PCMTD2: variants seen among roughly 807,000 people sequenced by gnomAD.
PCMTD2 encodes the protein protein-L-isoaspartate (D-aspartate) O-methyltransferase domain containing 2.
PCMTD2 carries 16 observed loss-of-function variants against 33.4 expected under a neutral mutation model. The ratio of observed to expected loss-of-function variants is 0.48; its 90% CI spans 0.32 to 0.73. The LOEUF is 0.73. PCMTD2 is among the 30% of genes least tolerant of loss of function. The pLI is 0.03. For missense variants in PCMTD2, 374 were observed against 449.9 expected, an observed-to-expected ratio of 0.83 and a Z score of 1.53; for synonymous variants, 161 against 160.8, an observed-to-expected ratio of 1.00 and a Z score of -0.01.
chr20:64,256,682 G>A (rs781018698), intron 1 of PCMTD2: 4 of 152,224 alleles, frequency 2.6e-5, no homozygotes, highest in African/African-American at 9.6e-5. Flanking sequence ...ACACTCAGGT[G>A]ATGAGAGGAG....
In PCMTD2 at chr20:64,265,432, C is replaced by T. The variant is rs201257206; in HGVS notation, c.582+3C>T. On this transcript the variant is annotated splice_donor_region_variant and intron_variant, in intron 4 of 5. Coordinates refer to ENST00000308824, the MANE Select transcript of PCMTD2 (RefSeq NM_018257.3). ...TTGTCATGCCACTGGAAGAGAAGGT[C>T]AGATTCCCTTCATAACTGACATTTC... 1.5e-4 allele frequency: 240 copies of T among 1,605,760 alleles called. 1 individual carries two copies. The African/African-American group carries it at 3.1e-3, about 20-fold the overall frequency.
chr20:64,257,673 C>CTATCCTA (rs1339064253), intron 1 of PCMTD2, among the ~76,000 whole-genome samples: 2,708 of 152,246 alleles, frequency 0.018, 81 homozygotes, highest in African/African-American at 0.061. Flanking sequence ...CACATGGATC[C>CTATCCTA]TACCAGTGGC....
In PCMTD2 at chr20:64,273,839, G is replaced by A. The variant is rs1986012031; in HGVS notation, c.*239G>A. ...TTGCATAGAAGATTGTTTTCCCAAAGTGGAGAGAATCTTCATAGAGAAAAA... is the reference window on the plus strand; with the variant it reads ...TTGCATAGAAGATTGTTTTCCCAAAATGGAGAGAATCTTCATAGAGAAAAA... On this transcript the variant is annotated 3_prime_UTR_variant, in exon 6 of 6. Transcript: ENST00000308824. 7.7e-6 allele frequency: 3 copies of A among 387,566 alleles called. No homozygotes were observed. The highest frequency in any genetic ancestry group is 3.8e-5 in the East Asian group (1 of 25,990). The allele number at this position is 387,566 out of a possible 1,614,324, so 24.0% of individuals were successfully genotyped here.
rs1433250689 is a variant in PCMTD2 at position 64,255,866 on chromosome 20, T to G, written c.-29T>G. On this transcript the variant is annotated 5_prime_UTR_variant, in exon 1 of 6. Transcript: ENST00000308824. ...TCCGAACCCGTCGGCCGGCCGAGCC[T>G]GGAGGTAGAGCCGCCGCCGCCGCCG... 1 of 144,906 alleles carries G rather than the reference T, an allele frequency of 6.9e-6. No homozygotes were observed. Among genetic ancestry groups the G allele is most frequent in the Non-Finnish European group, 1.5e-5 (1 of 66,944 alleles). 9.0% of individuals were successfully genotyped at this position (144,906 alleles called of 1,614,324 possible).
At chr20:64,264,347 G>A (rs1037563804) in intron 2 of PCMTD2, 82 bp from the exon 3 acceptor site, 22 of 738,716 alleles carry the variant, frequency 3.0e-5, no homozygotes, top group South Asian at 6.1e-5. Context: ...TAAGTCAGAC[G>A]TGTTACAGTT....
At position 64,273,485 on chromosome 20, in the gene PCMTD2, A is replaced by G. The variant is rs1985994388; in HGVS notation, c.971A>G (p.Lys324Arg). 6.2e-7 allele frequency: 1 copy of G among 1,611,322 alleles called. No individual in the cohort carries two copies. ...LEEERREEEEKTPPETKPDPP... is the reference protein window; with the variant it reads ...LEEERREEEERTPPETKPDPP... ...GAGGAACGGAGGGAAGAAGAAGAGA[A>G]GACCCCGCCGGAAACAAAGCCAGAC... The change falls in exon 6 of 6, where the codon AAG becomes AGG. Residue 324 changes from lysine (K) to arginine (R), a missense_variant. Lys to Arg is a conservative substitution (Grantham distance 26, BLOSUM62 2). Coordinates refer to ENST00000308824, the MANE Select transcript of PCMTD2 (RefSeq NM_018257.3).
At chr20:64,264,562 T>G in intron 3 of PCMTD2, 31 bp downstream of exon 3, 1 of 1,016,818 alleles carries the variant, frequency 9.8e-7, no homozygotes, top group South Asian at 1.3e-5. Flanking sequence ...TTGGCTCAGA[T>G]GATGTGAACT....
intron 1 of PCMTD2, among the ~76,000 whole-genome samples, chr20:64,257,480 T>C (rs188178642): frequency 2.8e-4 from 42 of 152,338 alleles, no homozygotes; most frequent in African/African-American, 9.9e-4. Flanking sequence ...ACTTTTACTT[T>C]GAAAAATTGG....
intron 1 of PCMTD2, 36 bp from the exon 2 acceptor site, chr20:64,259,906 A>T: frequency 1.9e-6 from 2 of 1,044,770 alleles, no homozygotes; most frequent in Non-Finnish European, 2.9e-6. Flanking sequence ...CTTACCTTTA[A>T]CATAAATCGC....
intron 1 of PCMTD2, 66 bp from the exon 2 acceptor site, chr20:64,259,876 A>G (rs935464273): frequency 3.7e-5 from 29 of 773,514 alleles, no homozygotes; most frequent in Non-Finnish European, 6.0e-5. Flanking sequence ...GTATCTGTTT[A>G]GAACTTCTAT....
At chr20:64,263,789 T>C (rs974133657) in intron 2 of PCMTD2, among the ~76,000 whole-genome samples, 13 of 152,142 alleles carry the variant, frequency 8.5e-5, no homozygotes, top group African/African-American at 2.4e-4. Flanking sequence ...CAAAGATGAA[T>C]TTTGCCCGAT....
At chr20:64,257,325 G>A (rs761155259) in intron 1 of PCMTD2, among the ~76,000 whole-genome samples, 121 of 152,338 alleles carry the variant, frequency 7.9e-4, no homozygotes, top group Non-Finnish European at 1.5e-3. Flanking sequence ...TTCTTCATGT[G>A]CCCTGGCAGT....
chr20:64,270,339 G>C (rs1601747072), intron 5 of PCMTD2, among the ~76,000 whole-genome samples: 1 of 150,138 alleles, frequency 6.7e-6, no homozygotes, highest in East Asian at 2.0e-4. Context: ...TTGTGTGGAC[G>C]TGCACGGTGT....
intron 1 of PCMTD2, among the ~76,000 whole-genome samples, chr20:64,257,853 G>T (rs1248205756): frequency 6.6e-6 from 1 of 152,184 alleles, no homozygotes; most frequent in Non-Finnish European, 1.5e-5. Flanking sequence ...TCACAAACTG[G>T]CTATGTGATC....
In PCMTD2 at chr20:64,273,637, T is replaced by C. The variant is rs371752915; in HGVS notation, c.*37T>C. 1.3e-6 allele frequency: 2 copies of C among 1,505,946 alleles called. No homozygotes were observed. Among genetic ancestry groups the C allele is most frequent in the Non-Finnish European group, 1.8e-6 (2 of 1,129,830 alleles). 93.3% of individuals were successfully genotyped at this position (1,505,946 alleles called of 1,614,324 possible). A position where few individuals can be genotyped will look rare whatever the true frequency, so the allele number is the denominator to read the frequency against. On this transcript the variant is annotated 3_prime_UTR_variant, in exon 6 of 6. Coordinates refer to ENST00000308824, the MANE Select transcript of PCMTD2 (RefSeq NM_018257.3). ...GAAAGGGGGAAATAGGAAGAGCAGA[T>C]TGCTGAGTGTGAAGTTCGTGCTGCC...
At chr20:64,266,279 A>G (rs1985652517) in intron 4 of PCMTD2, among the ~76,000 whole-genome samples, 1 of 152,026 alleles carries the variant, frequency 6.6e-6, no homozygotes, top group Non-Finnish European at 1.5e-5. Context: ...TTATTTAGAG[A>G]CAGAGTCTCG....
Position 64,273,714 on chromosome 20 carries a change from G to T in PCMTD2, c.*114G>T. ...GGCAGACGTTGTGGGGAAGGGAACT[G>T]CTGGGCTCATCCACACCATGGTTTT... is the stretch of plus-strand genomic sequence containing the variant. On this transcript the variant is annotated 3_prime_UTR_variant, in exon 6 of 6. Coordinates refer to ENST00000308824, the MANE Select transcript of PCMTD2 (RefSeq NM_018257.3). 1 of 823,682 alleles carries T rather than the reference G, an allele frequency of 1.2e-6. No individual in the cohort carries two copies. Among genetic ancestry groups the T allele is most frequent in the Non-Finnish European group, 1.9e-6 (1 of 537,348 alleles). 51.0% of individuals were successfully genotyped at this position (823,682 alleles called of 1,614,324 possible). A position where few individuals can be genotyped will look rare whatever the true frequency, so the allele number is the denominator to read the frequency against.
intron 5 of PCMTD2, among the ~76,000 whole-genome samples, chr20:64,270,054 G>A (rs1985838805): frequency 6.7e-6 from 1 of 149,454 alleles, no homozygotes; most frequent in African/African-American, 2.5e-5. Flanking sequence ...TGCATGGCGT[G>A]GGGTCTTGTG....
intron 3 of PCMTD2, among the ~76,000 whole-genome samples, chr20:64,265,024 CTT>C (rs1985599021): frequency 6.6e-6 from 1 of 152,182 alleles, no homozygotes; most frequent in South Asian, 2.1e-4. Context: ...TTGGATAAAA[CTT>C]TTGATATTCA....
Sources: allele counts gnomAD v4.1 joint callset (sites outside exome capture counted in the v4.1 genomes callset), GRCh38; gene constraint gnomAD v4.1.1; transcripts MANE v1.5; gene names NCBI Gene and HGNC (gene_info 2026-07-23, HGNC 2026-07-21).